CTNNA3: variants seen among roughly 807,000 people sequenced by gnomAD.
CTNNA3 encodes the protein catenin alpha 3.
A neutral mutation model predicts 95.7 loss-of-function variants in CTNNA3; 76 were observed. The ratio of observed to expected loss-of-function variants is 0.79; its 90% CI spans 0.66 to 0.96. The LOEUF is 0.96. Among genes scored for constraint, CTNNA3 ranks in the 40% least tolerant of loss-of-function variants. CTNNA3 has a pLI of 0.00. For synonymous variants in CTNNA3, 431 were observed against 374.4 expected (o/e 1.15, Z -1.74); for missense variants, 1,191 against 1,089.8 (o/e 1.09, Z -1.31).
At chr10:66,127,418 C>T (rs2082880783) in intron 13 of CTNNA3, among the ~76,000 whole-genome samples, 1 of 151,974 alleles carries the variant, frequency 6.6e-6, no homozygotes, top group Non-Finnish European at 1.5e-5. Context: ...TCTCACTGGT[C>T]TTCCTCCCAA....
At chr10:67,600,885 T>C (rs1416536975) in intron 3 of CTNNA3, among the ~76,000 whole-genome samples, 1 of 152,198 alleles carries the variant, frequency 6.6e-6, no homozygotes, top group Non-Finnish European at 1.5e-5. Context: ...TGGTGAGCTC[T>C]CACAGACATA....
intron 11 of CTNNA3, among the ~76,000 whole-genome samples, chr10:66,426,815 T>TAA (rs60332701): frequency 2.7e-5 from 4 of 150,906 alleles, no homozygotes; most frequent in African/African-American, 2.4e-5. Flanking sequence ...CCTCTGTCTT[T>TAA]AAAAAAAAAT....
chr10:67,421,246 T>C (rs1316564264), intron 5 of CTNNA3, among the ~76,000 whole-genome samples: 2 of 152,196 alleles, frequency 1.3e-5, no homozygotes, highest in Admixed American at 1.3e-4. Context: ...ACTTTGCAGG[T>C]TGCAGGATGT....
chr10:67,217,694 G>A (rs1864445917), intron 6 of CTNNA3, among the ~76,000 whole-genome samples: 1 of 152,138 alleles, frequency 6.6e-6, no homozygotes. Flanking sequence ...GGAACAATTT[G>A]GAAATGTCTT....
At chr10:66,632,692 A>G (rs1227163755) in intron 9 of CTNNA3, among the ~76,000 whole-genome samples, 13 of 152,042 alleles carry the variant, frequency 8.6e-5, no homozygotes, top group Non-Finnish European at 1.6e-4. Context: ...CTTTCAGGAG[A>G]AAAGTGCAAT....
At chr10:67,097,803 T>C in intron 7 of CTNNA3, 2 of 1,611,686 alleles carry the variant, frequency 1.2e-6, no homozygotes, top group South Asian at 2.2e-5. Flanking sequence ...TTAACTGAGA[T>C]CATTGGTAGC....
intron 11 of CTNNA3, among the ~76,000 whole-genome samples, chr10:66,424,562 TATAA>T (rs1279781103): frequency 2.6e-5 from 4 of 152,146 alleles, no homozygotes; most frequent in African/African-American, 7.2e-5. Context: ...ATTAGATATT[TATAA>T]ATAAATTTGT....
chr10:67,239,802 G>T (rs1410773532), intron 5 of CTNNA3, among the ~76,000 whole-genome samples: 1 of 152,072 alleles, frequency 6.6e-6, no homozygotes, highest in Admixed American at 6.6e-5. Flanking sequence ...GGAAGAATGA[G>T]AAAATTAGAT....
intron 1 of CTNNA3, among the ~76,000 whole-genome samples, chr10:67,742,686 C>G (rs1841347670): frequency 6.7e-6 from 1 of 149,502 alleles, no homozygotes; most frequent in African/African-American, 2.4e-5. Flanking sequence ...ACACAAAAAA[C>G]CCTTCAAAAA....
chr10:67,574,879 C>T (rs768558937), intron 3 of CTNNA3, among the ~76,000 whole-genome samples: 20 of 152,230 alleles, frequency 1.3e-4, no homozygotes, highest in Non-Finnish European at 2.4e-4. Flanking sequence ...CCAAGCCTGA[C>T]CAAGGTTGTT....
At position 66,909,579 on chromosome 10, in the gene CTNNA3, C is replaced by G. The variant is rs542514251; in HGVS notation, c.1048-134055G>C. On this transcript the variant is annotated intron_variant, in intron 7 of 17. Coordinates refer to ENST00000433211, the MANE Select transcript of CTNNA3 (RefSeq NM_013266.4). ...GACACAAATGAAATTTCCTTCAGAA[C>G]AGGAAATTTCCTCCAACCAATTACT... 8.0e-4 allele frequency among the ~76,000 whole-genome samples: 122 copies of G among 152,118 alleles called. 1 individual carries two copies. Among genetic ancestry groups the G allele is most frequent in the African/African-American group, 2.8e-3 (115 of 41,488 alleles).
At chr10:67,633,176 C>G (rs964360033) in intron 2 of CTNNA3, among the ~76,000 whole-genome samples, 2 of 152,140 alleles carry the variant, frequency 1.3e-5, no homozygotes, top group African/African-American at 4.8e-5. Context: ...GTGGGACCTC[C>G]CTGTGGGGGT....
intron 13 of CTNNA3, among the ~76,000 whole-genome samples, chr10:66,172,329 T>C (rs2085473837): frequency 6.6e-6 from 1 of 152,200 alleles, no homozygotes; most frequent in Non-Finnish European, 1.5e-5. Flanking sequence ...TTTCCTGCAG[T>C]AAATGTATAA....
At chr10:66,692,723 T>A (rs1458751551) in intron 9 of CTNNA3, among the ~76,000 whole-genome samples, 1 of 152,046 alleles carries the variant, frequency 6.6e-6, no homozygotes, top group Non-Finnish European at 1.5e-5. Flanking sequence ...AAAGGTCGGG[T>A]TACCCACAAA....
intron 7 of CTNNA3, among the ~76,000 whole-genome samples, chr10:66,846,999 T>C (rs930856864): frequency 1.7e-4 from 26 of 152,212 alleles, no homozygotes; most frequent in Admixed American, 9.2e-4. Context: ...CTTTTGACTT[T>C]GAATAGTGAG....
At chr10:67,466,249 T>C (rs771709414) in intron 5 of CTNNA3, among the ~76,000 whole-genome samples, 3 of 152,208 alleles carry the variant, frequency 2.0e-5, no homozygotes, top group Non-Finnish European at 4.4e-5. Context: ...GCCCAGATTC[T>C]TTTTTAAAAT....
chr10:66,448,191 G>A (rs2093437172), intron 11 of CTNNA3, among the ~76,000 whole-genome samples: 1 of 152,086 alleles, frequency 6.6e-6, no homozygotes, highest in African/African-American at 2.4e-5. Context: ...GTGCTGGAGA[G>A]GATGTGGAGA....
intron 12 of CTNNA3, among the ~76,000 whole-genome samples, chr10:66,342,510 A>G (rs2092464221): frequency 6.6e-6 from 1 of 152,204 alleles, no homozygotes; most frequent in East Asian, 1.9e-4. Flanking sequence ...CTTTGTATGC[A>G]AATATTATTA....
chr10:66,506,711 G>C (rs1329664327), intron 11 of CTNNA3, among the ~76,000 whole-genome samples: 3 of 151,938 alleles, frequency 2.0e-5, no homozygotes, highest in Admixed American at 2.0e-4. Context: ...GCACATAATA[G>C]ATACTCAGTT....
Sources: allele counts gnomAD v4.1 joint callset (sites outside exome capture counted in the v4.1 genomes callset), GRCh38; gene constraint gnomAD v4.1.1; transcripts MANE v1.5; gene names NCBI Gene and HGNC (gene_info 2026-07-23, HGNC 2026-07-21).